Variants in SORCS3 observed in about 807,000 individuals in gnomAD.
SORCS3 encodes the protein VPS10 domain-containing receptor SorCS3.
A neutral mutation model predicts 146.3 loss-of-function variants in SORCS3; 57 were observed. The observed-to-expected ratio is 0.39, with a 90% CI of 0.31 to 0.49. The LOEUF is 0.49. SORCS3 is among the 20% of genes least tolerant of loss of function. The probability of loss-of-function intolerance (pLI) is 0.92; values close to 1 mark genes in which losing one functional copy is unlikely to be tolerated. For synonymous variants in SORCS3, 653 were observed against 618.5 expected, an observed-to-expected ratio of 1.06 and a Z score of -0.83; for missense variants, 1,341 against 1,575.5, an observed-to-expected ratio of 0.85 and a Z score of 2.52.
At chr10:104,771,153 C>T (rs761421096) in intron 1 of SORCS3, among the ~76,000 whole-genome samples, 4 of 152,170 alleles carry the variant, frequency 2.6e-5, no homozygotes, top group Admixed American at 6.5e-5. Flanking sequence ...CCAGCAGTGT[C>T]GGCATCACCT....
At chr10:105,221,918 G>C (rs970713044) in intron 19 of SORCS3, among the ~76,000 whole-genome samples, 2 of 151,916 alleles carry the variant, frequency 1.3e-5, no homozygotes, top group African/African-American at 4.8e-5. Flanking sequence ...AAAGAAGGAG[G>C]GAGGAAGACA....
intron 6 of SORCS3, among the ~76,000 whole-genome samples, chr10:105,100,079 T>C (rs1468482627): frequency 6.6e-6 from 1 of 152,188 alleles, no homozygotes; most frequent in Non-Finnish European, 1.5e-5. Flanking sequence ...GCTGGCTCCA[T>C]TTAAATGATG....
At chr10:104,995,976 T>C (rs1239374658) in intron 4 of SORCS3, among the ~76,000 whole-genome samples, 1 of 152,212 alleles carries the variant, frequency 6.6e-6, no homozygotes, top group East Asian at 1.9e-4. Context: ...TGCATATGGA[T>C]ACCAAATTAT....
chr10:104,738,512 G>A (rs1322545495), intron 1 of SORCS3, among the ~76,000 whole-genome samples: 1 of 152,130 alleles, frequency 6.6e-6, no homozygotes, highest in Non-Finnish European at 1.5e-5. Context: ...CCCATTTGCC[G>A]TTTCTTTCTT....
At chr10:104,833,741 G>A (rs1283592009) in intron 1 of SORCS3, among the ~76,000 whole-genome samples, 1 of 152,152 alleles carries the variant, frequency 6.6e-6, no homozygotes, top group African/African-American at 2.4e-5. Flanking sequence ...CTAGACTCAT[G>A]TCTTACAAGT....
intron 1 of SORCS3, among the ~76,000 whole-genome samples, chr10:104,714,244 A>G (rs142133123): frequency 3.9e-5 from 6 of 152,062 alleles, no homozygotes; most frequent in East Asian, 1.9e-4. Flanking sequence ...TCTGTTTTCA[A>G]GTTCACTGAA....
chr10:105,193,225 A>G (rs1202105022), intron 14 of SORCS3, among the ~76,000 whole-genome samples: 7 of 152,164 alleles, frequency 4.6e-5, no homozygotes, highest in Admixed American at 1.3e-4. Flanking sequence ...GTCCAGGGTG[A>G]CAAGGGACAG....
chr10:104,907,776 G>A (rs2018924039), intron 2 of SORCS3, among the ~76,000 whole-genome samples: 1 of 152,224 alleles, frequency 6.6e-6, no homozygotes, highest in African/African-American at 2.4e-5. Flanking sequence ...TTCTGCACTG[G>A]CATCAACCTT....
At chr10:104,987,680 A>G (rs1283319149) in intron 4 of SORCS3, among the ~76,000 whole-genome samples, 1 of 152,072 alleles carries the variant, frequency 6.6e-6, no homozygotes, top group East Asian at 1.9e-4. Context: ...TGTTGGATGT[A>G]ACCTCAATCT....
At chr10:104,679,316 C>T (rs185398075) in intron 1 of SORCS3, among the ~76,000 whole-genome samples, 1 of 152,102 alleles carries the variant, frequency 6.6e-6, no homozygotes, top group Non-Finnish European at 1.5e-5. Flanking sequence ...AGGTAGACCA[C>T]TTAGGGCTGC....
At chr10:104,943,798 A>G (rs1355005698) in intron 3 of SORCS3, among the ~76,000 whole-genome samples, 1 of 152,212 alleles carries the variant, frequency 6.6e-6, no homozygotes, top group Admixed American at 6.5e-5. Flanking sequence ...ATTACTAGAC[A>G]TAAGACTTAT....
At chr10:105,192,299 G>A (rs774336119) in intron 14 of SORCS3, among the ~76,000 whole-genome samples, 1 of 151,962 alleles carries the variant, frequency 6.6e-6, no homozygotes, top group Non-Finnish European at 1.5e-5. Context: ...TTGACCTAAG[G>A]CTTACAGAAT....
chr10:104,654,936 T>G (rs570966169), intron 1 of SORCS3, among the ~76,000 whole-genome samples: 1 of 152,308 alleles, frequency 6.6e-6, no homozygotes, highest in Admixed American at 6.5e-5. Flanking sequence ...TCCAAATACC[T>G]TCAATGTAAA....
chr10:104,874,908 G>C (rs1007187853), intron 2 of SORCS3, among the ~76,000 whole-genome samples: 4 of 151,978 alleles, frequency 2.6e-5, no homozygotes, highest in Non-Finnish European at 5.9e-5. Context: ...ACCAAATCTT[G>C]GTTTTCATCA....
At chr10:105,055,494 G>T (rs1024825129) in intron 5 of SORCS3, among the ~76,000 whole-genome samples, 4 of 152,142 alleles carry the variant, frequency 2.6e-5, no homozygotes, top group Non-Finnish European at 5.9e-5. Flanking sequence ...CAGTCAGAAA[G>T]GATACCAGAT....
rs552982674 is a variant in SORCS3 at position 105,008,734 on chromosome 10, C to T, written c.954+31241C>T. Among the ~76,000 whole-genome samples the T allele has an allele frequency of 3.1e-3, 472 of 152,328 alleles. 2 individuals carry two copies. Among genetic ancestry groups the T allele is most frequent in the Middle Eastern group, 6.8e-3 (2 of 294 alleles). ...CCATCTCAAGTCACTGCAACCTCCCCCTCGGGGGTTCAAGCAATTCTCCTG... is the reference window on the plus strand; with the variant it reads ...CCATCTCAAGTCACTGCAACCTCCCTCTCGGGGGTTCAAGCAATTCTCCTG... On this transcript the variant is annotated intron_variant, in intron 4 of 26. Transcript: ENST00000369701.
chr10:104,749,789 A>G (rs2016962240), intron 1 of SORCS3, among the ~76,000 whole-genome samples: 1 of 152,078 alleles, frequency 6.6e-6, no homozygotes. Context: ...TATTTTTCAT[A>G]TTTTGCATAC....
At chr10:105,087,956 G>C (rs1358836521) in intron 5 of SORCS3, among the ~76,000 whole-genome samples, 1 of 152,232 alleles carries the variant, frequency 6.6e-6, no homozygotes, top group Non-Finnish European at 1.5e-5. Flanking sequence ...TCCCAGGGCT[G>C]TCATTAGCAG....
intron 5 of SORCS3, among the ~76,000 whole-genome samples, chr10:105,077,611 C>T: frequency 6.6e-6 from 1 of 151,756 alleles, no homozygotes; most frequent in South Asian, 2.1e-4. Flanking sequence ...TATAGTTAGA[C>T]TTTAGGCAGA....
Sources: allele counts gnomAD v4.1 joint callset (sites outside exome capture counted in the v4.1 genomes callset), GRCh38; gene constraint gnomAD v4.1.1; transcripts MANE v1.5; gene names NCBI Gene and HGNC (gene_info 2026-07-23, HGNC 2026-07-21).